ACTA2: variants seen among roughly 807,000 people sequenced by gnomAD.
ACTA2 encodes actin alpha 2, smooth muscle.
In ACTA2, 12 loss-of-function variants were observed where a neutral mutation model predicts 39.5. That is an observed-to-expected ratio of 0.30 (90% CI 0.19 to 0.49). The LOEUF (loss-of-function observed/expected upper bound fraction) is 0.49. Among genes scored for constraint, ACTA2 ranks in the 20% least tolerant of loss-of-function variants. ACTA2 has a pLI of 0.99. For missense variants in ACTA2, 236 were observed against 498.8 expected, an observed-to-expected ratio of 0.47 and a Z score of 5.02; for synonymous variants, 158 against 180.6, an observed-to-expected ratio of 0.88 and a Z score of 1.00.
intron 7 of ACTA2, chr10:88,938,472 A>T (rs1176285870): frequency 1.8e-6 from 1 of 542,884 alleles, no homozygotes; most frequent in African/African-American, 1.9e-5. Context: ...TGTGGGCTAC[A>T]ACAGGTATCA....
chr10:88,952,011 G>C (rs141579692), intron 1 of ACTA2, among the ~76,000 whole-genome samples: 1 of 152,118 alleles, frequency 6.6e-6, no homozygotes, highest in Non-Finnish European at 1.5e-5. Flanking sequence ...ATATCCGGCC[G>C]GGAGGCACAC....
At chr10:88,943,732 T>A (rs112402745) in intron 4 of ACTA2, 65 bp downstream of exon 4, 1 of 1,370,690 alleles carries the variant, frequency 7.3e-7, no homozygotes, top group South Asian at 1.2e-5. Context: ...CTGTGCTGCA[T>A]AGCCTCCTTC....
chr10:88,990,730 A>G lies in ACTA2; in HGVS notation c.-24+209T>C. Reference sequence around the variant, plus strand: ...AGCGGTTTACGAGTGACTTGGCTGGAGCCTCAGGGGCGGGCACTGGCACGG... The same window carrying G: ...AGCGGTTTACGAGTGACTTGGCTGGGGCCTCAGGGGCGGGCACTGGCACGG... On this transcript the variant is annotated intron_variant, in intron 1 of 4. Coordinates refer to the ACTA2 transcript ENST00000415557. This position sits in a 1 kb window ranked among gnomAD's most constrained non-coding sequence, Gnocchi z 4.9. The G allele has an allele frequency of 1.1e-6, 1 of 910,312 alleles. No homozygotes were observed. Among genetic ancestry groups the G allele is most frequent in the South Asian group, 1.4e-5 (1 of 73,512 alleles). The allele number at this position is 910,312 out of a possible 1,614,324, so 56.4% of individuals were successfully genotyped here.
rs1464454458 is a variant in ACTA2, at chr10:88,991,096, G to A, written c.-181C>T. 14 of 696,872 alleles carry A rather than the reference G, an allele frequency of 2.0e-5. No homozygotes were observed. In the African/African-American group the frequency reaches 2.3e-4, roughly 11 times the overall value. 43.2% of individuals were successfully genotyped at this position (696,872 alleles called of 1,614,324 possible). On this transcript the variant is annotated 5_prime_UTR_variant, in exon 1 of 5. Transcript: ENST00000415557. ...GCTGTTAGGACCTTCCCTCAGGCCC[G>A]GGTGCTCAGAACGCTGGAGGACTTG...
In ACTA2 at chr10:88,952,764, G is replaced by A. The variant is rs1259003069; in HGVS notation, c.-57C>T. On this transcript the variant is annotated 5_prime_UTR_variant, in exon 1 of 9. Coordinates refer to ENST00000224784, the MANE Select transcript of ACTA2 (RefSeq NM_001613.4). ...TGCTTGGCTGGGCTGCTCCACACTG[G>A]GTGGTGTTCAGGGAAGCTGAAAGCT... 2 of 152,326 alleles carry A rather than the reference G, an allele frequency of 1.3e-5. No individual in the cohort carries two copies. Among genetic ancestry groups the A allele is most frequent in the East Asian group, 1.9e-4 (1 of 5,190 alleles). 9.4% of individuals were successfully genotyped at this position (152,326 alleles called of 1,614,324 possible). A position where few individuals can be genotyped will look rare whatever the true frequency, so the allele number is the denominator to read the frequency against.
intron 1 of ACTA2, among the ~76,000 whole-genome samples, chr10:88,962,097 T>G (rs1427519127): frequency 6.6e-6 from 1 of 152,176 alleles, no homozygotes; most frequent in Non-Finnish European, 1.5e-5. Flanking sequence ...ACAGAGGACC[T>G]AGGTCTCCTG....
At chr10:88,983,894 A>G (rs1449070230) in intron 1 of ACTA2, among the ~76,000 whole-genome samples, 1 of 152,214 alleles carries the variant, frequency 6.6e-6, no homozygotes, top group Non-Finnish European at 1.5e-5. Context: ...TCCTCAGTGC[A>G]AAGGCTGATA....
At chr10:88,986,980 C>A (rs778098709) in intron 1 of ACTA2, among the ~76,000 whole-genome samples, 6 of 152,184 alleles carry the variant, frequency 3.9e-5, no homozygotes, top group Admixed American at 2.0e-4. Context: ...ATAATATGTT[C>A]TCCAGGAGGT....
intron 2 of ACTA2, 110 bp from the exon 3 acceptor site, chr10:88,947,496 A>G: frequency 6.7e-7 from 1 of 1,490,938 alleles, no homozygotes; most frequent in South Asian, 1.1e-5. Flanking sequence ...TCTTCTGATT[A>G]TCAGCAACAA....
intron 1 of ACTA2, among the ~76,000 whole-genome samples, chr10:88,962,043 T>C (rs146549733): frequency 2.8e-4 from 43 of 152,292 alleles, no homozygotes; most frequent in Admixed American, 2.1e-3. Context: ...CAGATGCCTA[T>C]TGGGGCAAGG....
At chr10:88,967,675 G>T (rs757462017) in intron 1 of ACTA2, among the ~76,000 whole-genome samples, 1 of 152,108 alleles carries the variant, frequency 6.6e-6, no homozygotes, top group Non-Finnish European at 1.5e-5. Flanking sequence ...ATATAAAATA[G>T]AATATTTTGT....
chr10:88,970,631 C>T (rs1031578592), intron 1 of ACTA2, among the ~76,000 whole-genome samples: 7 of 152,072 alleles, frequency 4.6e-5, no homozygotes, highest in African/African-American at 1.7e-4. Context: ...TTTATCCTTA[C>T]AATAGTTTGC....
chr10:88,943,491 C>T (rs1845892068), intron 4 of ACTA2, among the ~76,000 whole-genome samples: 2 of 152,152 alleles, frequency 1.3e-5, no homozygotes, highest in Non-Finnish European at 2.9e-5. Flanking sequence ...AACCCAAATT[C>T]CTATTGTATG....
chr10:88,945,710 T>A (rs1845933945), intron 3 of ACTA2, among the ~76,000 whole-genome samples: 1 of 152,210 alleles, frequency 6.6e-6, no homozygotes, highest in African/African-American at 2.4e-5. Context: ...CTCTTGTGCT[T>A]CAGTGTGTGG....
rs1845837734 is a variant in ACTA2, at chr10:88,941,036, T to A, written c.616+193A>T. On this transcript the variant is annotated intron_variant, in intron 6 of 8. Coordinates refer to ENST00000224784, the MANE Select transcript of ACTA2 (RefSeq NM_001613.4). ...TAACACTGGGTGTCTATAACTGTTC[T>A]CCTCAAGGAAATAGTGTAATCATTT... The A allele has an allele frequency of 1.3e-5, 8 of 638,972 alleles. No homozygotes were observed. The Admixed American group carries it at 1.5e-4, about 12-fold the overall frequency. The allele number at this position is 638,972 out of a possible 1,614,324, so 39.6% of individuals were successfully genotyped here.
intron 1 of ACTA2, among the ~76,000 whole-genome samples, chr10:88,962,238 C>T (rs11202912): frequency 0.32 from 48,351 of 151,920 alleles, 8,430 homozygotes; most frequent in Non-Finnish European, 0.39. Context: ...AAAATGATGG[C>T]AATTAACTAA....
At chr10:88,985,582 T>C (rs1197740744) in intron 1 of ACTA2, among the ~76,000 whole-genome samples, 2 of 152,096 alleles carry the variant, frequency 1.3e-5, no homozygotes, top group Admixed American at 1.3e-4. Context: ...CCATCCATTA[T>C]CTCCCTCAAG....
chr10:88,942,226 G>A (rs1409652141), intron 4 of ACTA2, among the ~76,000 whole-genome samples: 4 of 152,184 alleles, frequency 2.6e-5, no homozygotes, highest in African/African-American at 9.7e-5. Context: ...TAACAGAGGA[G>A]GAGTTTGGAC....
At chr10:88,991,004 A>T (rs1219487137) in exon 1 of ACTA2, 2 of 1,552,112 alleles carry the variant, frequency 1.3e-6, no homozygotes, top group Non-Finnish European at 1.8e-6. Flanking sequence ...TTGCGGCGGC[A>T]GCGGCGCACG....
Sources: gnomAD v4.1 joint callset for allele counts (sites outside exome capture counted in the v4.1 genomes callset) on GRCh38, gnomAD v4.1.1 for gene constraint, Gnocchi (gnomAD v3.1) non-coding constraint, MANE v1.5 for transcripts, NCBI Gene and HGNC (gene_info 2026-07-23, HGNC 2026-07-21) for gene names.